CACNA1I: variants seen among roughly 807,000 people sequenced by gnomAD.
CACNA1I encodes voltage-dependent T-type calcium channel subunit alpha-1I.
CACNA1I carries 74 observed loss-of-function variants against 201.6 expected under a neutral mutation model. That is an observed-to-expected ratio of 0.37 (90% confidence interval 0.30 to 0.45). CACNA1I has a LOEUF of 0.45. Among genes scored for constraint, CACNA1I ranks in the 20% least tolerant of loss-of-function variants. The pLI is 1.00. For missense variants in CACNA1I, 2,346 were observed against 3,138.1 expected (o/e 0.75, Z 6.03); for synonymous variants, 1,431 against 1,345.2 (o/e 1.06, Z -1.40).
At chr22:39,620,145 A>G (rs1276902481) in intron 4 of CACNA1I, among the ~76,000 whole-genome samples, 15 of 108,200 alleles carry the variant, frequency 1.4e-4, no homozygotes, top group Non-Finnish European at 1.8e-4. Context: ...CCATCCACCC[A>G]CCCATCCATC....
At chr22:39,667,876 C>G (rs917136532) in intron 23 of CACNA1I, among the ~76,000 whole-genome samples, 6 of 152,204 alleles carry the variant, frequency 3.9e-5, no homozygotes, top group Non-Finnish European at 7.3e-5. Flanking sequence ...GCAAGCGTGT[C>G]TTACCCACTG....
intron 4 of CACNA1I, among the ~76,000 whole-genome samples, chr22:39,624,187 G>A (rs564791533): frequency 3.9e-5 from 6 of 152,124 alleles, no homozygotes; most frequent in African/African-American, 7.2e-5. Flanking sequence ...TGTGAAGAGC[G>A]TGCGTGCGCC....
At chr22:39,667,411 G>A (rs1935231127) in intron 23 of CACNA1I, among the ~76,000 whole-genome samples, 1 of 152,180 alleles carries the variant, frequency 6.6e-6, no homozygotes, top group Non-Finnish European at 1.5e-5. Context: ...CGCAGAGGGG[G>A]GTGAGACCAC....
At chr22:39,633,301 T>C (rs558968470) in intron 4 of CACNA1I, among the ~76,000 whole-genome samples, 2 of 152,304 alleles carry the variant, frequency 1.3e-5, no homozygotes, top group South Asian at 2.1e-4. Context: ...CAGAACCTTA[T>C]AGCCTAGTGG....
chr22:39,674,374 GAA>G (rs1935461396), intron 29 of CACNA1I, among the ~76,000 whole-genome samples: 1 of 152,198 alleles, frequency 6.6e-6, no homozygotes, highest in Non-Finnish European at 1.5e-5. Flanking sequence ...CAGAGAGAGA[GAA>G]GAGTGCCAGA....
At chr22:39,616,410 G>A (rs1258585725) in intron 3 of CACNA1I, among the ~76,000 whole-genome samples, 1 of 152,118 alleles carries the variant, frequency 6.6e-6, no homozygotes, top group Non-Finnish European at 1.5e-5. Flanking sequence ...TCTCATTGAG[G>A]ACCCTGGGAT....
At chr22:39,616,770 AAAAAAAAAAAAAAAAAAG>A (rs1172653344) in intron 3 of CACNA1I, among the ~76,000 whole-genome samples, 30 of 121,324 alleles carry the variant, frequency 2.5e-4, no homozygotes, top group South Asian at 2.8e-4. Flanking sequence ...GTCTCAAAAA[AAAAAAAAAAAAAAAAAAG>A]AAAAGAAAAA....
At chr22:39,638,064 G>T (rs1237723771) in intron 5 of CACNA1I, among the ~76,000 whole-genome samples, 3 of 152,136 alleles carry the variant, frequency 2.0e-5, no homozygotes, top group Non-Finnish European at 4.4e-5. Context: ...CTCCTGAGTA[G>T]CTGGGATTAC....
intron 2 of CACNA1I, among the ~76,000 whole-genome samples, chr22:39,600,111 A>T (rs1367745300): frequency 6.6e-6 from 1 of 152,062 alleles, no homozygotes; most frequent in Non-Finnish European, 1.5e-5. Context: ...CTGTTTCCTC[A>T]TCTGTAAAAT....
chr22:39,622,105 C>T (rs1319487708), intron 4 of CACNA1I, among the ~76,000 whole-genome samples: 2 of 151,782 alleles, frequency 1.3e-5, no homozygotes, highest in African/African-American at 4.8e-5. Context: ...CCATGTGCCC[C>T]ACCTGACTTT....
At chr22:39,577,929 C>T (rs148543164) in intron 1 of CACNA1I, among the ~76,000 whole-genome samples, 3 of 152,342 alleles carry the variant, frequency 2.0e-5, no homozygotes, top group African/African-American at 7.2e-5. Flanking sequence ...AAATGGGGGC[C>T]ACAGTGACCC....
Position 39,588,128 on chromosome 22 carries a change from A to ATTTTTTTTTT in CACNA1I, c.237-10010_237-10001dup, listed in dbSNP as rs35332612. On this transcript the variant is annotated intron_variant, in intron 1 of 36. Transcript: ENST00000402142. ...TTTTTCCTTAAAGCAGTTGCTCTTC[A>ATTTTTTTTTT]TTTTTTTTTTTTTTTTTTTTTTGAG... Among the ~76,000 whole-genome samples the ATTTTTTTTTT allele has an allele frequency of 7.7e-5, 7 of 90,562 alleles. 1 individual carries two copies. The highest frequency in any genetic ancestry group is 4.3e-4 in the South Asian group (1 of 2,350). The allele number at this position is 90,562 out of a possible 152,430, so 59.4% of individuals were successfully genotyped here.
At chr22:39,589,582 T>G (rs1932798432) in intron 1 of CACNA1I, among the ~76,000 whole-genome samples, 1 of 152,208 alleles carries the variant, frequency 6.6e-6, no homozygotes, top group Non-Finnish European at 1.5e-5. Flanking sequence ...ACGGGCACCT[T>G]CCAGGAAGGA....
rs1935973711 is a variant in CACNA1I at position 39,689,413 on chromosome 22, G to A, written c.*3008G>A. 1 of 152,742 alleles carries A rather than the reference G, an allele frequency of 6.5e-6. No individual in the cohort carries two copies. The highest frequency in any genetic ancestry group is 1.5e-5 in the Non-Finnish European group (1 of 68,092). The allele number at this position is 152,742 out of a possible 1,614,324, so 9.5% of individuals were successfully genotyped here. A position where few individuals can be genotyped will look rare whatever the true frequency, so the allele number is the denominator to read the frequency against. On this transcript the variant is annotated 3_prime_UTR_variant, in exon 37 of 37. Coordinates refer to ENST00000402142, the MANE Select transcript of CACNA1I (RefSeq NM_021096.4). The stretch of plus-strand genomic sequence containing the variant: ...CGTTTGCTGCGTTGTGTAAGGGCTT[G>A]GGGTCTTAGAAGCTGCTCTTTAGCC...
intron 4 of CACNA1I, among the ~76,000 whole-genome samples, chr22:39,627,421 C>A (rs183213018): frequency 1.7e-4 from 26 of 152,236 alleles, no homozygotes; most frequent in African/African-American, 5.5e-4. Context: ...CTGTGGACAG[C>A]GCCCCGAACG....
chr22:39,581,417 C>T (rs944130128), intron 1 of CACNA1I, among the ~76,000 whole-genome samples: 1 of 152,106 alleles, frequency 6.6e-6, no homozygotes, highest in African/African-American at 2.4e-5. Context: ...GGGGAGGCAC[C>T]GGTGTGGATG....
chr22:39,623,893 T>G (rs1199431121), intron 4 of CACNA1I, among the ~76,000 whole-genome samples: 1 of 131,308 alleles, frequency 7.6e-6, no homozygotes, highest in Non-Finnish European at 1.6e-5. Context: ...GTGTGAAGTG[T>G]GTGTGTGCGC....
At position 39,659,932 on chromosome 22, in the gene CACNA1I, G is replaced by A; in HGVS notation, c.2604+80G>A. ...CGAGGGAGAGGTGGCCTGGATGGGGGAGGGCTGCAATTCAAACTTCTAGCA... is the reference window on the plus strand; with the variant it reads ...CGAGGGAGAGGTGGCCTGGATGGGGAAGGGCTGCAATTCAAACTTCTAGCA... On this transcript the variant is annotated intron_variant, in intron 14 of 36. Coordinates refer to ENST00000402142, the MANE Select transcript of CACNA1I (RefSeq NM_021096.4). This position sits in a 1 kb window ranked among gnomAD's most constrained non-coding sequence, Gnocchi z 4.3. 6.5e-7 allele frequency: 1 copy of A among 1,546,700 alleles called. No homozygotes were observed. The highest frequency in any genetic ancestry group is 8.9e-7 in the Non-Finnish European group (1 of 1,124,252).
At chr22:39,598,025 G>A in intron 1 of CACNA1I, 126 bp from the exon 2 acceptor site, 1 of 649,688 alleles carries the variant, frequency 1.5e-6, no homozygotes, top group South Asian at 1.8e-5. Context: ...GGCACCCAGA[G>A]GGAGAAGAAT....
Sources: gnomAD v4.1 joint callset for allele counts (sites outside exome capture counted in the v4.1 genomes callset) on GRCh38, gnomAD v4.1.1 for gene constraint, Gnocchi (gnomAD v3.1) non-coding constraint, MANE v1.5 for transcripts, NCBI Gene and HGNC (gene_info 2026-07-23, HGNC 2026-07-21) for gene names.